The following NAALADL2 variants were observed in gnomAD, a reference collection of about 807,000 sequenced individuals.
The protein encoded by NAALADL2 is inactive N-acetylated-alpha-linked acidic dipeptidase-like protein 2.
NAALADL2 carries 76 observed loss-of-function variants against 87.2 expected under a neutral mutation model. The ratio of observed to expected loss-of-function variants is 0.87; its 90% CI spans 0.72 to 1.05. The LOEUF (loss-of-function observed/expected upper bound fraction) is 1.05. NAALADL2 is among the 50% of genes least tolerant of loss of function. The pLI, the probability that NAALADL2 is intolerant of heterozygous loss-of-function variation, is 0.00. For synonymous variants in NAALADL2, 354 were observed against 331.0 expected, an observed-to-expected ratio of 1.07 and a Z score of -0.75; for missense variants, 1,089 against 945.8, an observed-to-expected ratio of 1.15 and a Z score of -1.99.
chr3:175,667,177 GAAAGAGAAAGAAAGAAAGAAAGAA>G lies in NAALADL2; in HGVS notation c.1896+39793_1896+39816del, dbSNP rs1560942469. ...AGAGAAAGAAAAAGAAAGAAAGAAAGAAAGAGAAAGAAAGAAAGAAAGAAAGAAAGAAAGAAAGAAAGAAAGAAA... is the reference window on the plus strand; with the variant it reads ...AGAGAAAGAAAAAGAAAGAAAGAAAGAGAAAGAAAGAAAGAAAGAAAGAAA... On this transcript the variant is annotated intron_variant, in intron 11 of 13. Transcript: ENST00000454872. Among the ~76,000 whole-genome samples, 48 of 115,664 alleles carry G rather than the reference GAAAGAGAAAGAAAGAAAGAAAGAA, an allele frequency of 4.1e-4. 1 individual carries two copies. The highest frequency in any genetic ancestry group is 1.7e-5 in the Non-Finnish European group (1 of 57,280). 75.9% of individuals were successfully genotyped at this position (115,664 alleles called of 152,430 possible).
At chr3:175,714,100 T>C (rs1740914199) in intron 11 of NAALADL2, among the ~76,000 whole-genome samples, 1 of 152,210 alleles carries the variant, frequency 6.6e-6, no homozygotes, top group Non-Finnish European at 1.5e-5. Flanking sequence ...ATGGTGTATA[T>C]GTGCCACATT....
chr3:175,070,893 G>A (rs76811919), intron 1 of NAALADL2, among the ~76,000 whole-genome samples: 12,532 of 152,004 alleles, frequency 0.082, 693 homozygotes, highest in East Asian at 0.21. Context: ...TGCAGTAACT[G>A]TGCTTTCCTA....
intron 10 of NAALADL2, among the ~76,000 whole-genome samples, chr3:175,607,759 C>T (rs907754777): frequency 1.3e-5 from 2 of 151,970 alleles, no homozygotes; most frequent in Non-Finnish European, 1.5e-5. Context: ...GAAAATGTAT[C>T]TTTTAAGATC....
At chr3:175,490,478 C>T (rs1727901391) in intron 9 of NAALADL2, among the ~76,000 whole-genome samples, 1 of 151,868 alleles carries the variant, frequency 6.6e-6, no homozygotes. Flanking sequence ...GCTCTGCCTC[C>T]CGGGTTCACA....
intron 13 of NAALADL2, chr3:175,773,292 T>C (rs1583182434): frequency 6.6e-6 from 1 of 152,238 alleles, no homozygotes; most frequent in South Asian, 2.1e-4. Context: ...TAACTACAGA[T>C]GGTTTGCTGC....
At chr3:174,490,629 G>A (rs34580175) in intron 1 of NAALADL2, among the ~76,000 whole-genome samples, 42,795 of 151,904 alleles carry the variant, frequency 0.28, 6,369 homozygotes, top group South Asian at 0.46. Context: ...GCAGTGTATA[G>A]CTTTCAAAAC....
At chr3:175,035,506 G>T (rs887396571) in intron 1 of NAALADL2, among the ~76,000 whole-genome samples, 1 of 152,040 alleles carries the variant, frequency 6.6e-6, no homozygotes, top group Non-Finnish European at 1.5e-5. Flanking sequence ...CTGACTCTGT[G>T]CTCCTGAGGG....
chr3:175,265,992 T>C (rs11925101), intron 4 of NAALADL2, among the ~76,000 whole-genome samples: 8,432 of 150,766 alleles, frequency 0.056, 784 homozygotes, highest in African/African-American at 0.19. Context: ...ATCATATATA[T>C]TATAGTTAAG....
intron 2 of NAALADL2, among the ~76,000 whole-genome samples, chr3:175,130,978 C>A (rs1346719165): frequency 2.0e-5 from 3 of 152,256 alleles, no homozygotes; most frequent in Admixed American, 6.5e-5. Context: ...TGCATTGAAT[C>A]TGTCAATGAC....
chr3:175,788,700 A>G (rs1178387140), intron 13 of NAALADL2, among the ~76,000 whole-genome samples: 2 of 152,202 alleles, frequency 1.3e-5, no homozygotes, highest in African/African-American at 4.8e-5. Context: ...TTTAATTTTA[A>G]GCGCTAGCCA....
intron 2 of NAALADL2, among the ~76,000 whole-genome samples, chr3:174,572,965 A>T (rs1715104042): frequency 6.6e-6 from 1 of 152,190 alleles, no homozygotes; most frequent in Non-Finnish European, 1.5e-5. Context: ...GAAGTTAAGT[A>T]ACTTGATCAA....
chr3:174,450,887 A>G (rs907295177), intron 1 of NAALADL2, among the ~76,000 whole-genome samples: 3 of 144,318 alleles, frequency 2.1e-5, no homozygotes, highest in Non-Finnish European at 4.5e-5. Flanking sequence ...AAAAAAAAAA[A>G]AAAAAAGAAA....
At chr3:175,027,930 C>G (rs931282820) in intron 1 of NAALADL2, among the ~76,000 whole-genome samples, 1 of 151,518 alleles carries the variant, frequency 6.6e-6, no homozygotes, top group African/African-American at 2.4e-5. Flanking sequence ...TCTTGTATCT[C>G]GGTGGAACTG....
At chr3:175,348,906 T>C (rs1414624765) in intron 5 of NAALADL2, among the ~76,000 whole-genome samples, 1 of 152,086 alleles carries the variant, frequency 6.6e-6, no homozygotes, top group African/African-American at 2.4e-5. Context: ...AGAATAACCG[T>C]TTATAAAGTT....
At chr3:174,840,975 G>T (rs1723961180) in intron 3 of NAALADL2, among the ~76,000 whole-genome samples, 1 of 151,358 alleles carries the variant, frequency 6.6e-6, no homozygotes, top group East Asian at 2.0e-4. Context: ...TTATGATGTT[G>T]AACAAAAGTA....
In NAALADL2 at chr3:175,750,452, A is replaced by G. The variant is rs566740724; in HGVS notation, c.1991-4768A>G. ...CTTCCTTCTTTCTTCCTCTTTAATT[A>G]ATATTAATACTTCTTACAATATCCA... On this transcript the variant is annotated intron_variant, in intron 12 of 13. Coordinates refer to ENST00000454872, the MANE Select transcript of NAALADL2 (RefSeq NM_207015.3). Among the ~76,000 whole-genome samples the G allele has an allele frequency of 2.6e-5, 4 of 152,008 alleles. No individual in the cohort carries two copies. The East Asian group carries it at 5.8e-4, about 22-fold the overall frequency.
intron 13 of NAALADL2, among the ~76,000 whole-genome samples, chr3:175,760,045 G>T (rs1747800824): frequency 6.6e-6 from 1 of 152,088 alleles, no homozygotes; most frequent in African/African-American, 2.4e-5. Context: ...AAAGGCACGG[G>T]GTGAAAAGAA....
chr3:174,645,691 G>A (rs1479561919), intron 2 of NAALADL2, among the ~76,000 whole-genome samples: 2 of 151,964 alleles, frequency 1.3e-5, no homozygotes, highest in Non-Finnish European at 2.9e-5. Context: ...TATTTTTCTA[G>A]CAAGGCTCTC....
chr3:174,817,819 C>T (rs1720968124), intron 3 of NAALADL2, among the ~76,000 whole-genome samples: 1 of 152,074 alleles, frequency 6.6e-6, no homozygotes, highest in African/African-American at 2.4e-5. Context: ...CATTGTCAAT[C>T]AGCATTTCAG....
Sources: gnomAD v4.1 joint callset for allele counts (sites outside exome capture counted in the v4.1 genomes callset) on GRCh38, gnomAD v4.1.1 for gene constraint, MANE v1.5 for transcripts, NCBI Gene and HGNC (gene_info 2026-07-23, HGNC 2026-07-21) for gene names.